Variants in KDM6B observed in about 807,000 individuals in gnomAD.
KDM6B encodes lysine-specific demethylase 6B.
In KDM6B, 22 loss-of-function variants were observed where a neutral mutation model predicts 150.4. The ratio of observed to expected loss-of-function variants is 0.15; its 90% CI spans 0.10 to 0.21. The LOEUF (loss-of-function observed/expected upper bound fraction) is 0.21. Ranked by LOEUF, KDM6B falls within the 10% of genes least tolerant of loss-of-function variation. The probability of loss-of-function intolerance (pLI) is 1.00; values close to 1 mark genes in which losing one functional copy is unlikely to be tolerated. For missense variants in KDM6B, 1,984 were observed against 2,234.3 expected (o/e 0.89, Z 2.26); for synonymous variants, 1,148 against 921.1 (o/e 1.25, Z -4.46).
In KDM6B at chr17:7,853,619, G is replaced by A; in HGVS notation, c.*98G>A. On this transcript the variant is annotated 3_prime_UTR_variant, in exon 24 of 24. Coordinates refer to ENST00000448097, the MANE Select transcript of KDM6B (RefSeq NM_001348716.2). ...CTAGGTCCCGCCTGTGGCCGAGAAG[G>A]GGGTCGGGCCCAGCCCTTCCACCCC... 3 of 939,622 alleles carry A rather than the reference G, an allele frequency of 3.2e-6. No homozygotes were observed. The allele number at this position is 939,622 out of a possible 1,614,324, so 58.2% of individuals were successfully genotyped here.
chr17:7,849,638 C>T lies in KDM6B; in HGVS notation c.3350C>T (p.Thr1117Ile). The change falls in exon 12 of 24, where the codon ACC (threonine) becomes ATC (isoleucine). Residue 1117 changes from threonine (T) to isoleucine (I), a missense_variant. By Grantham distance (89) the Thr-to-Ile change is moderately conservative (BLOSUM62 -1). Around this residue, in one of 13 missense-constraint regions of KDM6B, gnomAD observed 1,379 missense variants for 1,275.6 expected, o/e 1.08. Coordinates refer to ENST00000448097, the MANE Select transcript of KDM6B (RefSeq NM_001348716.2). The stretch of plus-strand genomic sequence containing the variant: ...AAGGTAGAGAGTGGTGACAAGGAGA[C>T]CTTTATCGCCTCTGAGGTGGAAGAG... ...LIKVESGDKE[T>I]FIASEVEERR... is the part of the protein sequence containing the mutation. 1.2e-6 allele frequency: 2 copies of T among 1,611,294 alleles called. No homozygotes were observed. Among genetic ancestry groups the T allele is most frequent in the East Asian group, 2.2e-5 (1 of 44,886 alleles).
chr17:7,836,174 G>A (rs934393968), intron 1 of KDM6B, among the ~76,000 whole-genome samples: 1 of 152,242 alleles, frequency 6.6e-6, no homozygotes, highest in Non-Finnish European at 1.5e-5. Context: ...GCCCCGGACG[G>A]CCCAGGTGAT....
At position 7,843,806 on chromosome 17, in the gene KDM6B, A is replaced by AGGAGGAGGCGCGGG. The variant is rs1289249311; in HGVS notation, c.-268-1093_-268-1080dup. 6.6e-6 allele frequency among the ~76,000 whole-genome samples: 1 copy of AGGAGGAGGCGCGGG among 152,088 alleles called. No individual in the cohort carries two copies. Among genetic ancestry groups the AGGAGGAGGCGCGGG allele is most frequent in the Non-Finnish European group, 1.5e-5 (1 of 67,992 alleles). On this transcript the variant is annotated intron_variant, in intron 2 of 23. Transcript: ENST00000448097. This position sits in a 1 kb window ranked among gnomAD's most constrained non-coding sequence, Gnocchi z 4.5. Reference sequence around the variant, plus strand: ...TACCTGCGGGGACGCCGGGTAGGCAAGGAGGAGGCGCGGGGACGCAGCTCC... The same window carrying AGGAGGAGGCGCGGG: ...TACCTGCGGGGACGCCGGGTAGGCAAGGAGGAGGCGCGGGGGAGGAGGCGCGGGGACGCAGCTCC...
At position 7,848,748 on chromosome 17, in the gene KDM6B, G is replaced by T. The variant is rs1367326731; in HGVS notation, c.2460G>T (p.Gly820=). ...AGGGACAAAAGTACTGTTATCGGGGGACTGGAGCAGCTGTTTCCACCCGGC... is the reference window on the plus strand; with the variant it reads ...AGGGACAAAAGTACTGTTATCGGGGTACTGGAGCAGCTGTTTCCACCCGGC... ...VLEGQKYCYR[G]TGAAVSTRPG... The change falls in exon 12 of 24, where the codon GGG becomes GGT. Residue 820 remains glycine, a synonymous_variant. Coordinates refer to ENST00000448097, the MANE Select transcript of KDM6B (RefSeq NM_001348716.2). 2 of 1,612,752 alleles carry T rather than the reference G, an allele frequency of 1.2e-6. No homozygotes were observed. Among genetic ancestry groups the T allele is most frequent in the East Asian group, 2.2e-5 (1 of 44,888 alleles).
Position 7,848,387 on chromosome 17 carries a change from A to T in KDM6B, c.2099A>T (p.Lys700Met). 1 of 1,613,066 alleles carries T rather than the reference A, an allele frequency of 6.2e-7. No individual in the cohort carries two copies. The highest frequency in any genetic ancestry group is 8.5e-7 in the Non-Finnish European group (1 of 1,180,014). ...CCTGATGGGCTGGCCAACATCATGA[A>T]GATGCTGGACGAATCCATTCGCAAG... ...ILPDGLANIM[K>M]MLDESIRKEE... The change falls in exon 12 of 24, where the codon AAG becomes ATG. Residue 700 changes from lysine (K) to methionine (M), a missense_variant. Lys to Met is a moderately conservative substitution (Grantham distance 95, BLOSUM62 -1). Coordinates refer to ENST00000448097, the MANE Select transcript of KDM6B (RefSeq NM_001348716.2).
chr17:7,836,962 C>G (rs981625718), intron 1 of KDM6B, among the ~76,000 whole-genome samples: 8 of 152,160 alleles, frequency 5.3e-5, no homozygotes, highest in Non-Finnish European at 1.2e-4. Flanking sequence ...GTTCCAGTCC[C>G]GTGCCATCTC....
At position 7,849,735 on chromosome 17, in the gene KDM6B, C is replaced by T. The variant is rs761332233; in HGVS notation, c.3440+7C>T. ...ACGTCGTGCGCGCCAGCAGGTGAGTCGGCTGCCTGCTTGCTTGTCCCGGAG... is the reference window on the plus strand; with the variant it reads ...ACGTCGTGCGCGCCAGCAGGTGAGTTGGCTGCCTGCTTGCTTGTCCCGGAG... On this transcript the variant is annotated splice_region_variant and intron_variant, in intron 12 of 23. Coordinates refer to ENST00000448097, the MANE Select transcript of KDM6B (RefSeq NM_001348716.2). 5.8e-5 allele frequency: 94 copies of T among 1,612,236 alleles called. No homozygotes were observed. The highest frequency in any genetic ancestry group is 7.3e-5 in the Non-Finnish European group (86 of 1,180,024).
chr17:7,849,748 G>A lies in KDM6B; in HGVS notation c.3440+20G>A. 3.7e-6 allele frequency: 6 copies of A among 1,612,640 alleles called. No individual in the cohort carries two copies. Among genetic ancestry groups the A allele is most frequent in the Non-Finnish European group, 5.1e-6 (6 of 1,180,024 alleles). ...CAGCAGGTGAGTCGGCTGCCTGCTT[G>A]CTTGTCCCGGAGACAGGCTCCCTTC... On this transcript the variant is annotated intron_variant, in intron 12 of 23. Coordinates refer to ENST00000448097, the MANE Select transcript of KDM6B (RefSeq NM_001348716.2).
Position 7,848,816 on chromosome 17 carries a change from C to T in KDM6B, c.2528C>T (p.Ser843Leu), listed in dbSNP as rs771337152. 1.2e-6 allele frequency: 2 copies of T among 1,612,744 alleles called. No individual in the cohort carries two copies. Among genetic ancestry groups the T allele is most frequent in the Non-Finnish European group, 1.7e-6 (2 of 1,179,972 alleles). ...PTTQYSPGPP[S>L]GATALPPTSA... ...ACTCAGTATTCCCCTGGCCCCCCAT[C>T]AGGTGCTACCGCCCTGCCGCCCACC... The change falls in exon 12 of 24, where the codon TCA becomes TTA. Residue 843 changes from serine (S) to leucine (L), a missense_variant. Transcript: ENST00000448097.
Position 7,848,667 on chromosome 17 carries a change from A to ACCACCC in KDM6B, c.2388_2393dup (p.Pro797_Pro798dup), listed in dbSNP as rs1277514546. ...CTCCACCCTCTCAGCCACAGCCACC[A>ACCACCC]CCACCCCCACCCCCCAGCCCGGCCA... On this transcript the variant is annotated inframe_insertion, in exon 12 of 24. Transcript: ENST00000448097. 7 of 1,606,016 alleles carry ACCACCC rather than the reference A, an allele frequency of 4.4e-6. No individual in the cohort carries two copies. Among genetic ancestry groups the ACCACCC allele is most frequent in the Admixed American group, 3.3e-5 (2 of 59,718 alleles).
rs765025215 is a variant in KDM6B, at chr17:7,845,539, C to G, written c.-5-11C>G. The G allele has an allele frequency of 6.2e-7, 1 of 1,614,070 alleles. No individual in the cohort carries two copies. Among genetic ancestry groups the G allele is most frequent in the South Asian group, 1.1e-5 (1 of 91,090 alleles). On this transcript the variant is annotated splice_polypyrimidine_tract_variant and intron_variant, in intron 4 of 23. Transcript: ENST00000448097. ...CTCCAGTAAGAGCATAATTTCTTAT[C>G]CCCAACTCAGGCTGGATGCATCGGG...
At chr17:7,841,903 T>G (rs2078421865) in intron 2 of KDM6B, among the ~76,000 whole-genome samples, 1 of 152,026 alleles carries the variant, frequency 6.6e-6, no homozygotes, top group South Asian at 2.1e-4. Flanking sequence ...CGCCTCCCCC[T>G]CCCCCAGGTA....
In KDM6B at chr17:7,848,572, A is replaced by C. The variant is rs2078617146; in HGVS notation, c.2284A>C (p.Thr762Pro). 2.0e-6 allele frequency: 3 copies of C among 1,521,936 alleles called. No individual in the cohort carries two copies. The African/African-American group carries it at 4.8e-5, about 24-fold the overall frequency. 94.3% of individuals were successfully genotyped at this position (1,521,936 alleles called of 1,614,324 possible). ...CACCACCACCACCACCACCACCACC[A>C]CGGCCACCCAGGAAGAGGAGAAGAA... is the stretch of plus-strand genomic sequence containing the variant. ...TTTTTTTTTT[T>P]ATQEEEKKPP... Residue 762 changes from threonine (T) to proline (P), a missense_variant, in exon 12 of 24, where the codon ACG becomes CCG. Around this residue, in one of 13 missense-constraint regions of KDM6B, gnomAD observed 1,379 missense variants for 1,275.6 expected, o/e 1.08. Transcript: ENST00000448097.
rs1338577912 is a variant in KDM6B, at chr17:7,834,237, C to A, written c.-501C>A. Reference sequence around the variant, plus strand: ...CGGGTGTTTGTGTTGGAAAATCCAACTGCGCCACTGGGCGGAGCGGCCCCC... The same window carrying A: ...CGGGTGTTTGTGTTGGAAAATCCAAATGCGCCACTGGGCGGAGCGGCCCCC... On this transcript the variant is annotated 5_prime_UTR_variant, in exon 1 of 24. The change creates a new upstream start codon in the 5' untranslated region. Coordinates refer to ENST00000448097, the MANE Select transcript of KDM6B (RefSeq NM_001348716.2). Among the ~76,000 whole-genome samples, 1 of 151,228 alleles carries A rather than the reference C, an allele frequency of 6.6e-6. No individual in the cohort carries two copies. Among genetic ancestry groups the A allele is most frequent in the Non-Finnish European group, 1.5e-5 (1 of 67,718 alleles).
Position 7,846,931 on chromosome 17 carries a change from A to G in KDM6B, c.824A>G (p.Gln275Arg), listed in dbSNP as rs1361905920. The stretch of plus-strand genomic sequence containing the variant: ...GGCCTGGCTACCAGCCCCCCATTTC[A>G]GCTAACCAAGCCAGGGCTGTGGAGT... ...LPGLATSPPF[Q>R]LTKPGLWSTL... The change falls in exon 10 of 24, where the codon CAG becomes CGG. Residue 275 changes from glutamine to arginine, a missense_variant. Physicochemically the swap from Gln to Arg is conservative, Grantham distance 43. Coordinates refer to ENST00000448097, the MANE Select transcript of KDM6B (RefSeq NM_001348716.2). 25 of 1,303,784 alleles carry G rather than the reference A, an allele frequency of 1.9e-5. No individual in the cohort carries two copies. Among genetic ancestry groups the G allele is most frequent in the Non-Finnish European group, 2.4e-5 (24 of 999,634 alleles). The allele number at this position is 1,303,784 out of a possible 1,614,324, so 80.8% of individuals were successfully genotyped here.
At position 7,836,628 on chromosome 17, in the gene KDM6B, G is replaced by A. The variant is rs956034843; in HGVS notation, c.-388+2278G>A. On this transcript the variant is annotated intron_variant, in intron 1 of 23. Coordinates refer to ENST00000448097, the MANE Select transcript of KDM6B (RefSeq NM_001348716.2). ...TCGGGCCGACTCCCGTCAGAAATGT[G>A]GGTTGGGAGGTCAGGGCTGCAGGCG... Among the ~76,000 whole-genome samples the A allele has an allele frequency of 2.6e-5, 4 of 152,264 alleles. No individual in the cohort carries two copies. In the East Asian group the frequency reaches 7.7e-4, roughly 29 times the overall value.
chr17:7,836,292 G>GCACCTCCCTCGGCTCCTTTCGGCT (rs1410658653), intron 1 of KDM6B, among the ~76,000 whole-genome samples: 1 of 152,216 alleles, frequency 6.6e-6, no homozygotes, highest in African/African-American at 2.4e-5. Context: ...GGCGTTCTTT[G>GCACCTCCCTCGGCTCCTTTCGGCT]CACCTCCCTC....
chr17:7,845,998 G>T (rs1423835825), intron 6 of KDM6B, 28 bp downstream of exon 6: 1 of 1,609,676 alleles, frequency 6.2e-7, no homozygotes. Flanking sequence ...GGTTCTGGGA[G>T]TGGGAGGTAA....
chr17:7,845,524 A>T (rs1180359652), intron 4 of KDM6B, 26 bp from the exon 5 acceptor site: 1 of 1,613,812 alleles, frequency 6.2e-7, no homozygotes, highest in Non-Finnish European at 8.5e-7. Flanking sequence ...CTCCAGTAAG[A>T]GCATAATTTC....
Sources: allele counts gnomAD v4.1 joint callset (sites outside exome capture counted in the v4.1 genomes callset), GRCh38; gene constraint gnomAD v4.1.1; regional missense constraint gnomAD v4.1.1; non-coding constraint Gnocchi (gnomAD v3.1); transcripts MANE v1.5; gene names NCBI Gene and HGNC (gene_info 2026-07-23, HGNC 2026-07-21).